Variants in IGF2R observed in about 807,000 individuals in gnomAD.
IGF2R encodes the protein cation-independent mannose-6-phosphate receptor.
A neutral mutation model predicts 270.6 loss-of-function variants in IGF2R; 91 were observed. The observed-to-expected ratio is 0.34, with a 90% CI of 0.28 to 0.40. The LOEUF (loss-of-function observed/expected upper bound fraction) is 0.40, where lower values mean the gene tolerates loss of function less well. Ranked by LOEUF, IGF2R falls within the 10% of genes least tolerant of loss-of-function variation. IGF2R has a pLI of 1.00. For missense variants in IGF2R, 2,805 were observed against 3,188.3 expected (o/e 0.88, Z 2.90); for synonymous variants, 1,316 against 1,258.9 (o/e 1.05, Z -0.96).
chr6:160,104,778 T>C lies in IGF2R; in HGVS notation c.7170T>C (p.His2390=). ...RQGKEGQENG[H]ITTKSVKALS... ...GAAAGGAAGGGCAGGAGAACGGCCA[T>C]ATTACCACCAAGTCAGTGAAAGCCC... is the stretch of plus-strand genomic sequence containing the variant. The change falls in exon 48 of 48, where the codon CAT becomes CAC. Residue 2390 remains histidine, a synonymous_variant. Transcript: ENST00000356956. The C allele has an allele frequency of 1.2e-6, 2 of 1,614,062 alleles. No homozygotes were observed. Among genetic ancestry groups the C allele is most frequent in the Non-Finnish European group, 1.7e-6 (2 of 1,180,020 alleles).
intron 1 of IGF2R, among the ~76,000 whole-genome samples, chr6:159,975,130 C>A (rs1783668579): frequency 2.0e-5 from 3 of 152,176 alleles, no homozygotes; most frequent in Admixed American, 2.0e-4. Context: ...GACCGCTCCC[C>A]ACCCCACACC....
Position 159,983,941 on chromosome 6 carries a change from T to G in IGF2R, c.150-7243T>G, listed in dbSNP as rs968463977. 7.9e-5 allele frequency among the ~76,000 whole-genome samples: 12 copies of G among 152,338 alleles called. No individual in the cohort carries two copies. The Middle Eastern group carries it at 0.017, about 216-fold the overall frequency. ...TTGTGGAAGGCAATGCTCTGGTGTT[T>G]GGCAATTCACACTGTGCAGAAGAGA... On this transcript the variant is annotated intron_variant, in intron 1 of 47. Coordinates refer to ENST00000356956, the MANE Select transcript of IGF2R (RefSeq NM_000876.4).
At chr6:160,100,622 C>A (rs1278850970) in intron 45 of IGF2R, among the ~76,000 whole-genome samples, 10 of 151,868 alleles carry the variant, frequency 6.6e-5, no homozygotes, top group Non-Finnish European at 8.8e-5. Flanking sequence ...GCGCAGAACA[C>A]TGTTCCCTGC....
intron 4 of IGF2R, among the ~76,000 whole-genome samples, chr6:160,011,658 T>C (rs1784337752): frequency 6.6e-6 from 1 of 151,584 alleles, no homozygotes; most frequent in African/African-American, 2.4e-5. Flanking sequence ...TTAATGGATC[T>C]CTTGGGCAGG....
chr6:160,099,334 A>G (rs1044761701), intron 45 of IGF2R, among the ~76,000 whole-genome samples: 1 of 91,592 alleles, frequency 1.1e-5, no homozygotes, highest in Non-Finnish European at 2.5e-5. Context: ...CCTCAGCTTT[A>G]TGTTATGTTA....
In IGF2R at chr6:160,060,497, G is replaced by T. The variant is rs9457818; in HGVS notation, c.3092-50G>T. On this transcript the variant is annotated intron_variant, in intron 22 of 47. Coordinates refer to ENST00000356956, the MANE Select transcript of IGF2R (RefSeq NM_000876.4). ...TTGCTGCACTGTGCTTGTGGGCTGC[G>T]CCATGAATACTGTTCTGTCTCTTAA... 3.1e-4 allele frequency: 489 copies of T among 1,584,184 alleles called. 4 individuals carry two copies. In the African/African-American group the frequency reaches 6.3e-3, roughly 20 times the overall value.
intron 45 of IGF2R, among the ~76,000 whole-genome samples, chr6:160,101,726 C>T (rs1005828021): frequency 6.6e-6 from 1 of 152,224 alleles, no homozygotes; most frequent in Non-Finnish European, 1.5e-5. Flanking sequence ...AGTGTCAAGT[C>T]GTTACACTCT....
chr6:159,993,423 A>G lies in IGF2R; in HGVS notation c.289+2100A>G, dbSNP rs115704255. On this transcript the variant is annotated intron_variant, in intron 2 of 47. Transcript: ENST00000356956. ...TGGTGAGAGATAGGGTTCTAGTTTC[A>G]TTCTTCTGCATGTGGCTGTCCAGTT... Among the ~76,000 whole-genome samples, 816 of 152,232 alleles carry G rather than the reference A, an allele frequency of 5.4e-3. 9 individuals are homozygous for G. The highest frequency in any genetic ancestry group is 0.019 in the African/African-American group (788 of 41,536).
intron 2 of IGF2R, chr6:160,003,888 A>G (rs1355963202): frequency 6.6e-6 from 1 of 151,686 alleles, no homozygotes; most frequent in Non-Finnish European, 1.5e-5. Flanking sequence ...TAAATAGGGT[A>G]AGTGTCACTG....
Position 160,079,650 on chromosome 6 carries a change from G to GT in IGF2R, c.5550dup (p.Lys1851Ter). ...GCAGTCGGGCCAGAACAAGGAGGCT[G>GT]TAAGGACGGAGGAGTCTGTCTGCTC... is the stretch of plus-strand genomic sequence containing the variant. On this transcript the variant is annotated frameshift_variant, in exon 38 of 48. Coordinates refer to ENST00000356956, the MANE Select transcript of IGF2R (RefSeq NM_000876.4). LOFTEE classifies it high-confidence loss of function. 1 of 1,569,688 alleles carries GT rather than the reference G, an allele frequency of 6.4e-7. No homozygotes were observed. Among genetic ancestry groups the GT allele is most frequent in the Non-Finnish European group, 8.6e-7 (1 of 1,158,814 alleles).
At chr6:160,012,498 C>G (rs530484573) in intron 4 of IGF2R, among the ~76,000 whole-genome samples, 2 of 152,134 alleles carry the variant, frequency 1.3e-5, no homozygotes, top group South Asian at 4.2e-4. Context: ...GAGCACCTCA[C>G]GTGGCCAGAG....
intron 1 of IGF2R, among the ~76,000 whole-genome samples, chr6:159,986,428 GTGTT>G (rs1475766373): frequency 2.1e-3 from 239 of 116,352 alleles, no homozygotes; most frequent in African/African-American, 7.6e-3. Flanking sequence ...GTGTGTGTGT[GTGTT>G]TTTTTTTTTT....
chr6:159,974,880 C>T (rs1160757629), intron 1 of IGF2R, among the ~76,000 whole-genome samples: 1 of 152,142 alleles, frequency 6.6e-6, no homozygotes, highest in African/African-American at 2.4e-5. Context: ...ACTTTGATTC[C>T]TTAACTCTAG....
rs928147712 is a variant in IGF2R, at chr6:160,110,525, G to GA, written c.*5447dup. 4.6e-5 allele frequency: 7 copies of GA among 152,212 alleles called. No individual in the cohort carries two copies. Among genetic ancestry groups the GA allele is most frequent in the African/African-American group, 1.7e-4 (7 of 41,444 alleles). 9.4% of individuals were successfully genotyped at this position (152,212 alleles called of 1,614,324 possible). On this transcript the variant is annotated 3_prime_UTR_variant, in exon 48 of 48. Coordinates refer to ENST00000356956, the MANE Select transcript of IGF2R (RefSeq NM_000876.4). ...CCATTATGGAAAACAGGAAGTTCCTGAAAAAATTAAGAACAGCTACCAGGA... is the reference window on the plus strand; with the variant it reads ...CCATTATGGAAAACAGGAAGTTCCTGAAAAAAATTAAGAACAGCTACCAGGA...
chr6:160,014,562 G>GTGAA (rs1360371408), intron 4 of IGF2R, among the ~76,000 whole-genome samples: 1 of 152,190 alleles, frequency 6.6e-6, no homozygotes, highest in African/African-American at 2.4e-5. Flanking sequence ...AAGTGTCTTG[G>GTGAA]TGAAATGCAG....
intron 42 of IGF2R, among the ~76,000 whole-genome samples, chr6:160,088,745 T>A (rs551945539): frequency 6.6e-6 from 1 of 152,278 alleles, no homozygotes; most frequent in African/African-American, 2.4e-5. Context: ...TAGGAGCAAA[T>A]TTTCCAGGTT....
chr6:160,018,753 T>TA (rs755409805), intron 4 of IGF2R, among the ~76,000 whole-genome samples: 127 of 151,246 alleles, frequency 8.4e-4, no homozygotes, highest in African/African-American at 2.4e-3. Context: ...AGATGGAAAT[T>TA]AAAAAAAAAT....
chr6:160,085,994 G>A (rs530407677), intron 41 of IGF2R, among the ~76,000 whole-genome samples: 64 of 152,354 alleles, frequency 4.2e-4, no homozygotes, highest in Admixed American at 1.4e-3. Flanking sequence ...AGGGAAGGTC[G>A]TGGAGGGTTG....
At chr6:160,001,454 G>A (rs1562338210) in intron 2 of IGF2R, among the ~76,000 whole-genome samples, 1 of 152,008 alleles carries the variant, frequency 6.6e-6, no homozygotes, top group Non-Finnish European at 1.5e-5. Flanking sequence ...ATATTACAAT[G>A]TAATAATAAT....
Sources: allele counts gnomAD v4.1 joint callset (sites outside exome capture counted in the v4.1 genomes callset), GRCh38; gene constraint gnomAD v4.1.1; transcripts MANE v1.5; gene names NCBI Gene and HGNC (gene_info 2026-07-23, HGNC 2026-07-21).